The following GRIN2A variants were observed in gnomAD, a reference collection of about 807,000 sequenced individuals.
GRIN2A encodes the protein glutamate receptor ionotropic, NMDA 2A.
A neutral mutation model predicts 113.4 loss-of-function variants in GRIN2A; 22 were observed. That is an observed-to-expected ratio of 0.19 (90% CI 0.14 to 0.28). The LOEUF (loss-of-function observed/expected upper bound fraction) is 0.28. Ranked by LOEUF, GRIN2A falls within the 10% of genes least tolerant of loss-of-function variation. GRIN2A has a pLI of 1.00. For synonymous variants in GRIN2A, 827 were observed against 738.4 expected, an observed-to-expected ratio of 1.12 and a Z score of -1.94; for missense variants, 1,502 against 1,887.0, an observed-to-expected ratio of 0.80 and a Z score of 3.78.
At chr16:10,136,929 T>A (rs1188065404) in intron 2 of GRIN2A, among the ~76,000 whole-genome samples, 1 of 152,166 alleles carries the variant, frequency 6.6e-6, no homozygotes, top group Non-Finnish European at 1.5e-5. Flanking sequence ...AAGGAAACAA[T>A]AAATGGTAAA....
intron 2 of GRIN2A, among the ~76,000 whole-genome samples, chr16:9,956,648 A>G (rs770141166): frequency 1.3e-5 from 2 of 152,230 alleles, no homozygotes; most frequent in African/African-American, 2.4e-5. Context: ...TCCAGATGGA[A>G]AAGACAAATA....
At chr16:10,137,710 A>ATAGT (rs2049228925) in intron 2 of GRIN2A, among the ~76,000 whole-genome samples, 1 of 152,176 alleles carries the variant, frequency 6.6e-6, no homozygotes, top group African/African-American at 2.4e-5. Flanking sequence ...GTGAGACACT[A>ATAGT]TAGTTTCCTC....
chr16:9,779,592 T>G (rs914784760), intron 11 of GRIN2A, among the ~76,000 whole-genome samples: 5 of 151,870 alleles, frequency 3.3e-5, no homozygotes, highest in Admixed American at 3.3e-4. Context: ...AAGTGAGAAA[T>G]AAAACTATTA....
At chr16:10,133,869 A>G (rs935154191) in intron 2 of GRIN2A, among the ~76,000 whole-genome samples, 2 of 152,130 alleles carry the variant, frequency 1.3e-5, no homozygotes, top group African/African-American at 4.8e-5. Context: ...ACAAGTTACC[A>G]CATCCAAACA....
intron 2 of GRIN2A, among the ~76,000 whole-genome samples, chr16:10,142,291 C>T (rs576967716): frequency 6.6e-6 from 1 of 152,306 alleles, no homozygotes; most frequent in East Asian, 1.9e-4. Flanking sequence ...CAGAGACTTG[C>T]AGCTTACATT....
intron 2 of GRIN2A, among the ~76,000 whole-genome samples, chr16:10,156,857 A>G (rs959667239): frequency 3.9e-5 from 6 of 152,186 alleles, no homozygotes; most frequent in Non-Finnish European, 8.8e-5. Flanking sequence ...TGCTTTCCAA[A>G]AGTAAAGATG....
chr16:10,180,794 A>T lies in GRIN2A; in HGVS notation c.-18-365T>A. The T allele has an allele frequency of 2.6e-6, 1 of 390,756 alleles. No homozygotes were observed. The highest frequency in any genetic ancestry group is 4.8e-6 in the Non-Finnish European group (1 of 207,078). 24.2% of individuals were successfully genotyped at this position (390,756 alleles called of 1,614,324 possible). A position where few individuals can be genotyped will look rare whatever the true frequency, so the allele number is the denominator to read the frequency against. On this transcript the variant is annotated intron_variant, in intron 1 of 12. Transcript: ENST00000330684. The surrounding 1 kb of genome is among the most constrained non-coding windows in gnomAD (Gnocchi z 7.0). Reference sequence around the variant, plus strand: ...GCCGCGCGTGTTCTGTACCCCACCAAGCTCCTAGGTGCACAGAATAAACCC... The same window carrying T: ...GCCGCGCGTGTTCTGTACCCCACCATGCTCCTAGGTGCACAGAATAAACCC...
chr16:9,798,557 T>C, intron 10 of GRIN2A, 93 bp from the exon 11 acceptor site: 1 of 882,472 alleles, frequency 1.1e-6, no homozygotes, highest in African/African-American at 1.6e-5. Context: ...CATCCCACAC[T>C]TTCTTTCATG....
chr16:10,095,771 C>T (rs766661087), intron 2 of GRIN2A, among the ~76,000 whole-genome samples: 41 of 152,184 alleles, frequency 2.7e-4, no homozygotes, highest in African/African-American at 6.5e-4. Flanking sequence ...ACCTTAACCA[C>T]GGAGTCAAAA....
intron 3 of GRIN2A, among the ~76,000 whole-genome samples, chr16:9,910,533 A>ACT (rs1596573382): frequency 1.5e-5 from 2 of 135,660 alleles, no homozygotes; most frequent in African/African-American, 2.8e-5. Context: ...GAAGTCTCAG[A>ACT]GTTCTTTTTT....
At chr16:9,905,585 C>T (rs957335285) in intron 3 of GRIN2A, among the ~76,000 whole-genome samples, 3 of 152,314 alleles carry the variant, frequency 2.0e-5, no homozygotes, top group African/African-American at 4.8e-5. Flanking sequence ...TCCTTCCTCT[C>T]GCAAAAACCT....
rs578200584 is a variant in GRIN2A, at chr16:10,090,467, A to C, written c.414+89531T>G. On this transcript the variant is annotated intron_variant, in intron 2 of 12. Transcript: ENST00000330684. ...TCTTTTCAACACATGATGCTGGGAA[A>C]ATTTGATATCAATATGTGAAAAAGT... is the stretch of plus-strand genomic sequence containing the variant. 2.4e-4 allele frequency among the ~76,000 whole-genome samples: 36 copies of C among 152,342 alleles called. No individual in the cohort carries two copies. In the South Asian group the frequency reaches 7.5e-3, roughly 32 times the overall value.
intron 2 of GRIN2A, among the ~76,000 whole-genome samples, chr16:10,051,991 G>C (rs1442851884): frequency 6.6e-6 from 1 of 152,198 alleles, no homozygotes; most frequent in African/African-American, 2.4e-5. Flanking sequence ...TTTGTGCTGA[G>C]AGATCTCAAA....
chr16:10,108,220 G>A (rs769779283), intron 2 of GRIN2A, among the ~76,000 whole-genome samples: 6 of 152,218 alleles, frequency 3.9e-5, no homozygotes, highest in Non-Finnish European at 7.3e-5. Context: ...AAGCAAGAAG[G>A]TGCAAGTCAA....
At chr16:9,986,266 A>G (rs1040778570) in intron 2 of GRIN2A, among the ~76,000 whole-genome samples, 59 of 152,196 alleles carry the variant, frequency 3.9e-4, no homozygotes, top group African/African-American at 1.4e-3. Context: ...AACATGATGA[A>G]CTGAAATTAT....
intron 10 of GRIN2A, among the ~76,000 whole-genome samples, chr16:9,818,356 A>G (rs9922271): frequency 0.015 from 2,256 of 152,190 alleles, 56 homozygotes; most frequent in African/African-American, 0.051. Context: ...AAAAAATGCA[A>G]CCAAAAAAGA....
At chr16:9,905,624 C>T (rs1210668428) in intron 3 of GRIN2A, among the ~76,000 whole-genome samples, 2 of 152,176 alleles carry the variant, frequency 1.3e-5, no homozygotes, top group African/African-American at 2.4e-5. Flanking sequence ...GTACAGTTCA[C>T]GGGACTGCAT....
At chr16:10,178,448 A>T (rs1201340535) in intron 2 of GRIN2A, among the ~76,000 whole-genome samples, 1 of 152,200 alleles carries the variant, frequency 6.6e-6, no homozygotes, top group African/African-American at 2.4e-5. Context: ...CCTATGGCTC[A>T]GTCACTTCAT....
At chr16:9,867,444 T>C (rs1462423637) in intron 4 of GRIN2A, among the ~76,000 whole-genome samples, 1 of 152,160 alleles carries the variant, frequency 6.6e-6, no homozygotes, top group Non-Finnish European at 1.5e-5. Flanking sequence ...CAAACTCACC[T>C]GCCTCTGCAC....
Sources: allele counts gnomAD v4.1 joint callset (sites outside exome capture counted in the v4.1 genomes callset), GRCh38; gene constraint gnomAD v4.1.1; non-coding constraint Gnocchi (gnomAD v3.1); transcripts MANE v1.5; gene names NCBI Gene and HGNC (gene_info 2026-07-23, HGNC 2026-07-21).